Variants in SEMA7A observed in about 807,000 individuals in gnomAD.
The protein encoded by SEMA7A is semaphorin 7A (JohnMiltonHagen blood group).
A neutral mutation model predicts 67.5 loss-of-function variants in SEMA7A; 21 were observed. The ratio of observed to expected loss-of-function variants is 0.31; its 90% CI spans 0.22 to 0.45. The LOEUF (loss-of-function observed/expected upper bound fraction) is 0.45, where lower values mean the gene tolerates loss of function less well. Ranked by LOEUF, SEMA7A falls within the 20% of genes least tolerant of loss-of-function variation. The probability of loss-of-function intolerance (pLI) is 1.00; values close to 1 mark genes in which losing one functional copy is unlikely to be tolerated. For synonymous variants in SEMA7A, 364 were observed against 368.5 expected, an observed-to-expected ratio of 0.99 and a Z score of 0.14; for missense variants, 774 against 908.6, an observed-to-expected ratio of 0.85 and a Z score of 1.90.
chr15:74,427,293 C>G lies in SEMA7A; in HGVS notation c.178+6448G>C, dbSNP rs2141289571. 3.0e-6 allele frequency: 3 copies of G among 985,438 alleles called. No homozygotes were observed. The African/African-American group carries it at 5.2e-5, about 17-fold the overall frequency. The allele number at this position is 985,438 out of a possible 1,614,324, so 61.0% of individuals were successfully genotyped here. A position where few individuals can be genotyped will look rare whatever the true frequency, so the allele number is the denominator to read the frequency against. On this transcript the variant is annotated intron_variant, in intron 1 of 13. Coordinates refer to ENST00000261918, the MANE Select transcript of SEMA7A (RefSeq NM_003612.5). Reference sequence around the variant, plus strand: ...CAAGTCTTCCATTCCCAGGGAGCAGCTCAGACAGTGGAGAGAAGCAAGACT... The same window carrying G: ...CAAGTCTTCCATTCCCAGGGAGCAGGTCAGACAGTGGAGAGAAGCAAGACT...
intron 1 of SEMA7A, among the ~76,000 whole-genome samples, chr15:74,431,696 T>C (rs557502965): frequency 3.4e-4 from 52 of 152,352 alleles, no homozygotes; most frequent in African/African-American, 1.1e-3. Flanking sequence ...GATTGCCATG[T>C]GTCACCCCAC....
chr15:74,416,415 A>G (rs1197894510), intron 7 of SEMA7A, among the ~76,000 whole-genome samples, 160 bp downstream of exon 7: 3 of 152,064 alleles, frequency 2.0e-5, no homozygotes, highest in Non-Finnish European at 4.4e-5. Context: ...ACACAGACAC[A>G]TGATGCTCCA....
Position 74,418,002 on chromosome 15 carries a change from T to C in SEMA7A, c.373-33A>G, listed in dbSNP as rs371820373. 1,044 of 1,608,204 alleles carry C rather than the reference T, an allele frequency of 6.5e-4. 1 individual carries two copies. The highest frequency in any genetic ancestry group is 8.2e-4 in the Non-Finnish European group (967 of 1,177,332). On this transcript the variant is annotated intron_variant, in intron 3 of 13. Coordinates refer to ENST00000261918, the MANE Select transcript of SEMA7A (RefSeq NM_003612.5). ...GGGAAGAGAGAAGGGAGGAGAGAAATTGGTTGCTGGAAGGCCCTGGCAAGC... is the reference window on the plus strand; with the variant it reads ...GGGAAGAGAGAAGGGAGGAGAGAAACTGGTTGCTGGAAGGCCCTGGCAAGC...
At position 74,423,138 on chromosome 15, in the gene SEMA7A, C is replaced by T. The variant is rs1306572061; in HGVS notation, c.179-4186G>A. 1.3e-5 allele frequency among the ~76,000 whole-genome samples: 2 copies of T among 152,204 alleles called. No individual in the cohort carries two copies. The highest frequency in any genetic ancestry group is 4.8e-5 in the African/African-American group (2 of 41,444). On this transcript the variant is annotated intron_variant, in intron 1 of 13. Transcript: ENST00000261918. The surrounding 1 kb of genome is among the most constrained non-coding windows in gnomAD (Gnocchi z 4.1). The stretch of plus-strand genomic sequence containing the variant: ...GTCAGGCAGTCAGAGAGGCCCCGGG[C>T]CAAAGAGCAGAAAGCAGGCCGACCT...
At position 74,410,948 on chromosome 15, in the gene SEMA7A, G is replaced by A; in HGVS notation, c.1677C>T (p.Asn559=). 1 of 1,614,000 alleles carries A rather than the reference G, an allele frequency of 6.2e-7. No individual in the cohort carries two copies. The highest frequency in any genetic ancestry group is 8.5e-7 in the Non-Finnish European group (1 of 1,179,982). ...APLQKVSLAP[N]SRYYLSCPME... is the part of the protein sequence containing the mutation. ...TGGGGCAGCTCAGGTAGTAGCGAGA[G>A]TTTGGGGCCAGGGAAACCTTCTGCA... Residue 559 remains asparagine, a synonymous_variant, in exon 14 of 14, where the codon AAC becomes AAT. Transcript: ENST00000261918. The surrounding 1 kb of genome is among the most constrained non-coding windows in gnomAD (Gnocchi z 7.5).
intron 1 of SEMA7A, among the ~76,000 whole-genome samples, chr15:74,426,804 T>G (rs937182283): frequency 6.6e-6 from 1 of 152,170 alleles, no homozygotes; most frequent in African/African-American, 2.4e-5. Context: ...GCTCTGAAGC[T>G]GACCACAGTG....
At chr15:74,429,686 A>G (rs1320069927) in intron 1 of SEMA7A, among the ~76,000 whole-genome samples, 1 of 152,206 alleles carries the variant, frequency 6.6e-6, no homozygotes, top group Non-Finnish European at 1.5e-5. Context: ...TGCGCCAGTC[A>G]TAGGATGACA....
chr15:74,416,049 G>A, intron 7 of SEMA7A, 64 bp from the exon 8 acceptor site: 3 of 1,514,244 alleles, frequency 2.0e-6, no homozygotes, highest in Non-Finnish European at 1.8e-6. Context: ...CACACCCCAG[G>A]AAACCACTGC....
At chr15:74,432,836 G>A (rs748722180) in intron 1 of SEMA7A, among the ~76,000 whole-genome samples, 77 of 152,046 alleles carry the variant, frequency 5.1e-4, no homozygotes, top group Non-Finnish European at 1.0e-3. Context: ...GCAGGGGAGG[G>A]GAGATCAGTT....
In SEMA7A at chr15:74,423,224, G is replaced by C. The variant is rs971313088; in HGVS notation, c.179-4272C>G. Among the ~76,000 whole-genome samples, 5 of 152,178 alleles carry C rather than the reference G, an allele frequency of 3.3e-5. No individual in the cohort carries two copies. Among genetic ancestry groups the C allele is most frequent in the Non-Finnish European group, 5.9e-5 (4 of 68,018 alleles). On this transcript the variant is annotated intron_variant, in intron 1 of 13. Transcript: ENST00000261918. The surrounding 1 kb of genome is among the most constrained non-coding windows in gnomAD (Gnocchi z 4.1). ...CTCCCACAGTTGTGCCCCCACCCCT[G>C]CACTGCCAGGCCTACCTCACACCCT...
intron 10 of SEMA7A, among the ~76,000 whole-genome samples, chr15:74,413,195 C>T (rs1455953604): frequency 6.6e-6 from 1 of 152,246 alleles, no homozygotes; most frequent in Admixed American, 6.5e-5. Context: ...CCACTGCCTT[C>T]ACAGACATAC....
At chr15:74,420,069 T>G (rs927225969) in intron 1 of SEMA7A, among the ~76,000 whole-genome samples, 2 of 152,172 alleles carry the variant, frequency 1.3e-5, no homozygotes, top group African/African-American at 4.8e-5. Flanking sequence ...TGCAGGAAAC[T>G]CTGGGGCAGC....
At chr15:74,429,923 C>T (rs2061073374) in intron 1 of SEMA7A, among the ~76,000 whole-genome samples, 1 of 152,136 alleles carries the variant, frequency 6.6e-6, no homozygotes, top group African/African-American at 2.4e-5. Context: ...AGCTTGCTCC[C>T]TCTTCCAGGA....
At chr15:74,422,542 C>T (rs1029194093) in intron 1 of SEMA7A, among the ~76,000 whole-genome samples, 3 of 152,174 alleles carry the variant, frequency 2.0e-5, no homozygotes, top group African/African-American at 7.2e-5. Flanking sequence ...CGTACCCAGC[C>T]GGACTCCATA....
intron 1 of SEMA7A, among the ~76,000 whole-genome samples, chr15:74,428,383 T>G (rs1226782530): frequency 6.6e-6 from 1 of 152,152 alleles, no homozygotes. Flanking sequence ...CGGTCCCAGC[T>G]CTGCCTCTTT....
Position 74,433,733 on chromosome 15 carries a change from C to A in SEMA7A, c.178+8G>T. ...CCCGCGCCTGACCGGCCGCGCGGCG[C>A]CGCCTACCTTTCCAGACGGCGAAGA... On this transcript the variant is annotated splice_region_variant and intron_variant, in intron 1 of 13. Coordinates refer to ENST00000261918, the MANE Select transcript of SEMA7A (RefSeq NM_003612.5). 1 of 1,431,366 alleles carries A rather than the reference C, an allele frequency of 7.0e-7. No individual in the cohort carries two copies. The highest frequency in any genetic ancestry group is 1.4e-5 in the South Asian group (1 of 71,308). The allele number at this position is 1,431,366 out of a possible 1,614,324, so 88.7% of individuals were successfully genotyped here.
chr15:74,417,233 G>C, intron 6 of SEMA7A, 102 bp downstream of exon 6: 1 of 892,038 alleles, frequency 1.1e-6, no homozygotes, highest in South Asian at 1.4e-5. Flanking sequence ...CATGGCCCCA[G>C]CGGCCCTCAG....
Position 74,410,910 on chromosome 15 carries a change from T to C in SEMA7A, c.1715A>G (p.His572Arg). ...YYLSCPMESR[H>R]ATYSWRHKEN... ...CTTGTGGCGCCATGAGTAGGTGGCG[T>C]GGCGGGATTCCATGGGGCAGCTCAG... The change falls in exon 14 of 14, where the codon CAC becomes CGC. Residue 572 changes from histidine (H) to arginine (R), a missense_variant. This residue lies in a region of SEMA7A where 427 missense variants were observed against 555.4 expected (regional missense o/e 0.77). Coordinates refer to ENST00000261918, the MANE Select transcript of SEMA7A (RefSeq NM_003612.5). The surrounding 1 kb of genome is among the most constrained non-coding windows in gnomAD (Gnocchi z 7.5). 1 of 1,614,002 alleles carries C rather than the reference T, an allele frequency of 6.2e-7. No homozygotes were observed. Among genetic ancestry groups the C allele is most frequent in the Non-Finnish European group, 8.5e-7 (1 of 1,180,010 alleles).
intron 7 of SEMA7A, 37 bp downstream of exon 7, chr15:74,416,538 C>T: frequency 6.2e-7 from 1 of 1,606,484 alleles, no homozygotes; most frequent in Admixed American, 1.7e-5. Flanking sequence ...TATTCATGCA[C>T]AGACACGTAG....
Sources: allele counts gnomAD v4.1 joint callset (sites outside exome capture counted in the v4.1 genomes callset), GRCh38; gene constraint gnomAD v4.1.1; regional missense constraint gnomAD v4.1.1; non-coding constraint Gnocchi (gnomAD v3.1); transcripts MANE v1.5; gene names NCBI Gene and HGNC (gene_info 2026-07-23, HGNC 2026-07-21).